The following FHL5 variants were observed in gnomAD, a reference collection of about 807,000 sequenced individuals.
FHL5 encodes four and a half LIM domains 5, also known as four and a half LIM domains protein 5.
Under a neutral mutation model 32.0 loss-of-function variants are expected in FHL5, and 33 were observed. That is an observed-to-expected ratio of 1.03 (90% CI 0.78 to 1.38). The LOEUF (loss-of-function observed/expected upper bound fraction) is 1.38. Among genes scored for constraint, FHL5 ranks in the 40% most tolerant of loss-of-function variants. The pLI, the probability that FHL5 is intolerant of heterozygous loss-of-function variation, is 0.00. For missense variants in FHL5, 336 were observed against 343.9 expected, an observed-to-expected ratio of 0.98 and a Z score of 0.18; for synonymous variants, 114 against 113.6, an observed-to-expected ratio of 1.00 and a Z score of -0.02.
At chr6:96,572,204 C>A (rs1770493379) in intron 1 of FHL5, among the ~76,000 whole-genome samples, 1 of 152,170 alleles carries the variant, frequency 6.6e-6, no homozygotes, top group Non-Finnish European at 1.5e-5. Flanking sequence ...GCACTGTTTT[C>A]TTGGGATGCG....
At chr6:96,568,629 T>C (rs1390005396) in intron 1 of FHL5, among the ~76,000 whole-genome samples, 2 of 151,928 alleles carry the variant, frequency 1.3e-5, no homozygotes, top group African/African-American at 2.4e-5. Flanking sequence ...TATTACAGAC[T>C]TAATGCCATT....
intron 1 of FHL5, among the ~76,000 whole-genome samples, chr6:96,579,810 T>C (rs1770661421): frequency 1.3e-5 from 2 of 151,564 alleles, no homozygotes; most frequent in African/African-American, 4.9e-5. Context: ...TGCTGGGCTC[T>C]ACAGAAGTGT....
intron 1 of FHL5, among the ~76,000 whole-genome samples, chr6:96,580,750 T>C (rs1770680526): frequency 6.6e-6 from 1 of 152,202 alleles, no homozygotes; most frequent in Non-Finnish European, 1.5e-5. Context: ...TGAAATCTTA[T>C]TTATTGCTCT....
chr6:96,609,667 T>C (rs993549332), intron 4 of FHL5, among the ~76,000 whole-genome samples: 1 of 152,232 alleles, frequency 6.6e-6, no homozygotes, highest in Admixed American at 6.5e-5. Context: ...AATATTGGAA[T>C]TGCTTTCCAA....
At chr6:96,566,660 T>C (rs946525329) in intron 1 of FHL5, among the ~76,000 whole-genome samples, 1 of 148,072 alleles carries the variant, frequency 6.8e-6, no homozygotes, top group African/African-American at 2.5e-5. Flanking sequence ...CTTGTCAGCA[T>C]TTTTTTTTTG....
intron 1 of FHL5, among the ~76,000 whole-genome samples, chr6:96,568,884 T>G (rs1245784439): frequency 6.6e-6 from 1 of 151,906 alleles, no homozygotes; most frequent in Non-Finnish European, 1.5e-5. Context: ...ATGTTGATTT[T>G]GTTTATCTTT....
At chr6:96,614,978 T>C (rs532306501) in intron 5 of FHL5, among the ~76,000 whole-genome samples, 1 of 152,164 alleles carries the variant, frequency 6.6e-6, no homozygotes, top group African/African-American at 2.4e-5. Flanking sequence ...AGCAAGGTAA[T>C]AAGGCCATCA....
intron 1 of FHL5, among the ~76,000 whole-genome samples, chr6:96,599,449 CCT>C (rs1033181700): frequency 6.6e-6 from 1 of 152,118 alleles, no homozygotes; most frequent in African/African-American, 2.4e-5. Flanking sequence ...CCCACCTTGG[CCT>C]CCCAAAGTGC....
rs949433162 is a variant in FHL5, at chr6:96,617,710, T to C, written c.*1938T>C. Among the ~76,000 whole-genome samples, 6 of 152,210 alleles carry C rather than the reference T, an allele frequency of 3.9e-5. No individual in the cohort carries two copies. Among genetic ancestry groups the C allele is most frequent in the Non-Finnish European group, 7.4e-5 (5 of 68,020 alleles). On this transcript the variant is annotated 3_prime_UTR_variant, in exon 6 of 6. Transcript: ENST00000450218. The stretch of plus-strand genomic sequence containing the variant: ...TAACATCTTCTCTGTTAACCAATTA[T>C]AGATACATATACAACATGTAATGTT...
chr6:96,573,757 A>G (rs1374569061), intron 1 of FHL5, among the ~76,000 whole-genome samples: 1 of 151,772 alleles, frequency 6.6e-6, no homozygotes, highest in Non-Finnish European at 1.5e-5. Context: ...TCCTGACCTC[A>G]TGATCCGCCC....
At chr6:96,602,421 T>G (rs1771168127) in intron 1 of FHL5, among the ~76,000 whole-genome samples, 2 of 128,926 alleles carry the variant, frequency 1.6e-5, no homozygotes, top group African/African-American at 2.9e-5. Flanking sequence ...CTATATGCGT[T>G]GTTTCTTTTT....
chr6:96,594,686 T>C (rs1438189026), intron 1 of FHL5, among the ~76,000 whole-genome samples: 1 of 151,990 alleles, frequency 6.6e-6, no homozygotes, highest in Non-Finnish European at 1.5e-5. Context: ...GTTTAAAATG[T>C]ATCATATATC....
chr6:96,594,325 A>G (rs1770992164), intron 1 of FHL5, among the ~76,000 whole-genome samples: 1 of 146,576 alleles, frequency 6.8e-6, no homozygotes, highest in Non-Finnish European at 1.5e-5. Context: ...TGCCTGCCAA[A>G]CATTGGAACA....
rs189208965 is a variant in FHL5 at position 96,584,020 on chromosome 6, G to T, written c.-12-19582G>T. Among the ~76,000 whole-genome samples, 1,022 of 152,114 alleles carry T rather than the reference G, an allele frequency of 6.7e-3. 12 individuals carry two copies. Among genetic ancestry groups the T allele is most frequent in the Non-Finnish European group, 8.3e-3 (565 of 67,968 alleles). Reference sequence around the variant, plus strand: ...CTTAAAGAACAAGAAGTTTCTATTTGTTCAATTATTCAGTCCTAAAACATT... The same window carrying T: ...CTTAAAGAACAAGAAGTTTCTATTTTTTCAATTATTCAGTCCTAAAACATT... On this transcript the variant is annotated intron_variant, in intron 1 of 5. Coordinates refer to ENST00000450218, the MANE Select transcript of FHL5 (RefSeq NM_001322466.2).
chr6:96,579,094 A>G (rs911139827), intron 1 of FHL5, among the ~76,000 whole-genome samples: 7 of 152,170 alleles, frequency 4.6e-5, no homozygotes, highest in South Asian at 2.1e-4. Flanking sequence ...CTCAAGTGGA[A>G]TAAGTTCAGT....
At chr6:96,606,343 T>TTGC (rs1562064300) in intron 4 of FHL5, among the ~76,000 whole-genome samples, 1 of 151,956 alleles carries the variant, frequency 6.6e-6, no homozygotes, top group East Asian at 1.9e-4. Flanking sequence ...TCACTGTTTT[T>TTGC]TGTTGTTGTT....
chr6:96,614,363 AG>A (rs1264089292), intron 5 of FHL5, among the ~76,000 whole-genome samples: 1 of 152,204 alleles, frequency 6.6e-6, no homozygotes, highest in East Asian at 1.9e-4. Flanking sequence ...TACATTTATT[AG>A]GAAGTAATGT....
intron 4 of FHL5, among the ~76,000 whole-genome samples, chr6:96,607,620 T>C (rs1771312273): frequency 6.6e-6 from 1 of 152,132 alleles, no homozygotes. Flanking sequence ...AAGGTGACTT[T>C]ACAAGCAGCA....
chr6:96,571,829 G>T (rs574244497), intron 1 of FHL5, among the ~76,000 whole-genome samples: 1 of 152,228 alleles, frequency 6.6e-6, no homozygotes, highest in African/African-American at 2.4e-5. Flanking sequence ...TGAGGCACTG[G>T]GTAGTAGTGA....
Sources: allele counts gnomAD v4.1 joint callset (sites outside exome capture counted in the v4.1 genomes callset), GRCh38; gene constraint gnomAD v4.1.1; transcripts MANE v1.5; gene names NCBI Gene and HGNC (gene_info 2026-07-23, HGNC 2026-07-21).